Variants in SIN3B observed in about 807,000 individuals in gnomAD.
SIN3B encodes paired amphipathic helix protein Sin3b.
A neutral mutation model predicts 120.2 loss-of-function variants in SIN3B; 19 were observed. The observed-to-expected ratio is 0.16, with a 90% confidence interval of 0.11 to 0.23. The LOEUF (loss-of-function observed/expected upper bound fraction) is 0.23, where lower values mean the gene tolerates loss of function less well. Ranked by LOEUF, SIN3B falls within the 10% of genes least tolerant of loss-of-function variation. SIN3B has a pLI of 1.00. For missense variants in SIN3B, 1,073 were observed against 1,573.0 expected (o/e 0.68, Z 5.38); for synonymous variants, 654 against 653.2 (o/e 1.00, Z -0.02).
chr19:16,865,154 CATG>C, intron 10 of SIN3B: 1 of 397,044 alleles, frequency 2.5e-6, no homozygotes, highest in Non-Finnish European at 4.5e-6. Flanking sequence ...ATTAGCCAGG[CATG>C]GTGGTGCACA....
chr19:16,877,517 C>T, intron 16 of SIN3B, 28 bp from the exon 17 acceptor site: 1 of 1,542,580 alleles, frequency 6.5e-7, no homozygotes, highest in Non-Finnish European at 8.9e-7. Context: ...GTAGGGGCAT[C>T]ACGGGCTGTG....
At chr19:16,845,836 C>G (rs543633862) in intron 4 of SIN3B, among the ~76,000 whole-genome samples, 1 of 152,334 alleles carries the variant, frequency 6.6e-6, no homozygotes, top group South Asian at 2.1e-4. Context: ...ATCCTCTTGC[C>G]TCAGCCTTCC....
At chr19:16,848,446 G>A (rs942016628) in intron 5 of SIN3B, among the ~76,000 whole-genome samples, 4 of 53,694 alleles carry the variant, frequency 7.4e-5, no homozygotes, top group Non-Finnish European at 1.6e-4. Context: ...TTTTTTTTTT[G>A]CCTTTTGTTT....
At chr19:16,865,212 T>A in intron 10 of SIN3B, 198 bp from the exon 11 acceptor site, 3 of 563,764 alleles carry the variant, frequency 5.3e-6, no homozygotes, top group South Asian at 2.4e-5. Flanking sequence ...GAGGATTGTT[T>A]GAGCCCAGGA....
At chr19:16,872,371 CCCCTGCCCCTGTGTCCCCA>C (rs2051522635) in intron 14 of SIN3B, 2 of 151,942 alleles carry the variant, frequency 1.3e-5, no homozygotes, top group African/African-American at 4.8e-5. Context: ...ATCAACAGAA[CCCCTGCCCCTGTGTCCCCA>C]CCCAGCCACC....
rs1165925378 is a variant in SIN3B at position 16,869,741 on chromosome 19, T to G, written c.2088T>G (p.Ser696Arg). ...CCCAGGGGCAGACCACAGACCCCAG[T>G]GAGCGGAAGAAGCCGGCGCCAGGAC... is the stretch of plus-strand genomic sequence containing the variant. ...DSPQGQTTDP[S>R]ERKKPAPGPH... Residue 696 changes from serine (S) to arginine (R), a missense_variant, in exon 13 of 19, where the codon AGT becomes AGG. Physicochemically the swap from Ser to Arg is moderately radical, Grantham distance 110 (BLOSUM62 -1). Transcript: ENST00000248054. 1 of 1,613,174 alleles carries G rather than the reference T, an allele frequency of 6.2e-7. No homozygotes were observed. The highest frequency in any genetic ancestry group is 1.3e-5 in the African/African-American group (1 of 74,914).
At position 16,878,599 on chromosome 19, in the gene SIN3B, G is replaced by T. The variant is rs1456304662; in HGVS notation, c.3265G>T (p.Asp1089Tyr). ...GGTGGAGGCGGCTAGCCTGGTGCAG[G>T]ACTGGCTGATGGGTGAGGAGGACGA... ...VTVEAASLVQ[D>Y]WLMGEEDEDM... Residue 1089 changes from aspartate (D) to tyrosine (Y), a missense_variant, in exon 19 of 19, where the codon GAC becomes TAC. Around this residue, in one of 7 missense-constraint regions of SIN3B, gnomAD observed 311 missense variants for 400.3 expected, o/e 0.78. Coordinates refer to ENST00000248054, the MANE Select transcript of SIN3B (RefSeq NM_001297595.2). The T allele has an allele frequency of 2.5e-6, 4 of 1,612,494 alleles. No individual in the cohort carries two copies. The highest frequency in any genetic ancestry group is 3.4e-6 in the Non-Finnish European group (4 of 1,179,410).
intron 14 of SIN3B, among the ~76,000 whole-genome samples, chr19:16,871,942 C>G (rs1322055379): frequency 6.6e-6 from 1 of 152,146 alleles, no homozygotes; most frequent in Non-Finnish European, 1.5e-5. Flanking sequence ...ATGGAAAAAA[C>G]CTTAACCCAC....
At position 16,851,428 on chromosome 19, in the gene SIN3B, C is replaced by T. The variant is rs137867126; in HGVS notation, c.743C>T (p.Pro248Leu). 2.4e-5 allele frequency: 38 copies of T among 1,603,650 alleles called. No homozygotes were observed. The highest frequency in any genetic ancestry group is 4.5e-5 in the East Asian group (2 of 44,010). The change falls in exon 6 of 19, where the codon CCG (proline) becomes CTG (leucine). Residue 248 changes from proline to leucine, a missense_variant. Pro to Leu is a moderately conservative substitution (Grantham distance 98, BLOSUM62 -3). This residue lies in a region of SIN3B where 395 missense variants were observed against 528.0 expected (regional missense o/e 0.75). Transcript: ENST00000248054. ...TGTCCTTAGTTCACAGGAAACGGGC[C>T]GTGCGAGATGCACAGCGTGCAGAAG... ...AKRSLFTGNG[P>L]CEMHSVQKNE...
chr19:16,837,817 C>T (rs1452554730), intron 3 of SIN3B, among the ~76,000 whole-genome samples: 7 of 151,966 alleles, frequency 4.6e-5, no homozygotes, highest in African/African-American at 1.7e-4. Flanking sequence ...TCTCAGGATG[C>T]CTGATTCTCT....
Position 16,869,526 on chromosome 19 carries a change from G to A in SIN3B, c.1873G>A (p.Glu625Lys), listed in dbSNP as rs771163677. Residue 625 changes from glutamate to lysine, a missense_variant, in exon 13 of 19, where the codon GAG becomes AAG. Physicochemically the swap from Glu to Lys is moderately conservative, Grantham distance 56 (BLOSUM62 1). Transcript: ENST00000248054. ...SSEPHLIFVY[E>K]DRQILEDAAA... Reference sequence around the variant, plus strand: ...CGAGCCGCACCTCATCTTTGTGTACGAGGACCGGCAGATCCTGGAGGACGC... The same window carrying A: ...CGAGCCGCACCTCATCTTTGTGTACAAGGACCGGCAGATCCTGGAGGACGC... 6 of 1,613,908 alleles carry A rather than the reference G, an allele frequency of 3.7e-6. No individual in the cohort carries two copies. Among genetic ancestry groups the A allele is most frequent in the Non-Finnish European group, 3.4e-6 (4 of 1,180,020 alleles).
In SIN3B at chr19:16,869,532, C is replaced by T. The variant is rs779766057; in HGVS notation, c.1879C>T (p.Arg627Trp). ...GCACCTCATCTTTGTGTACGAGGAC[C>T]GGCAGATCCTGGAGGACGCAGCAGC... ...EPHLIFVYED[R>W]QILEDAAALI... The change falls in exon 13 of 19, where the codon CGG (arginine) becomes TGG (tryptophan). Residue 627 changes from arginine to tryptophan, a missense_variant. Around this residue, in one of 7 missense-constraint regions of SIN3B, gnomAD observed 169 missense variants for 207.3 expected, o/e 0.82. Transcript: ENST00000248054. 1.6e-5 allele frequency: 26 copies of T among 1,613,778 alleles called. No individual in the cohort carries two copies. Among genetic ancestry groups the T allele is most frequent in the Admixed American group, 3.3e-5 (2 of 60,002 alleles).
At chr19:16,877,812 A>T (rs1295375093) in intron 17 of SIN3B, among the ~76,000 whole-genome samples, 173 bp downstream of exon 17, 1 of 151,928 alleles carries the variant, frequency 6.6e-6, no homozygotes, top group East Asian at 1.9e-4. Flanking sequence ...CAGTGGAGGG[A>T]TTAGTAACCC....
rs1279517999 is a variant in SIN3B at position 16,876,012 on chromosome 19, G to A, written c.2593-43G>A. On this transcript the variant is annotated intron_variant, in intron 14 of 18. Coordinates refer to ENST00000248054, the MANE Select transcript of SIN3B (RefSeq NM_001297595.2). This position sits in a 1 kb window ranked among gnomAD's most constrained non-coding sequence, Gnocchi z 7.1. ...CTCTGTGGGTGAGGTGGGGACTCCC[G>A]CAGGAGGCGGGGTGGCCGCACCACC... 112 of 1,520,402 alleles carry A rather than the reference G, an allele frequency of 7.4e-5. No homozygotes were observed. The highest frequency in any genetic ancestry group is 1.8e-4 in the Middle Eastern group (1 of 5,420). The allele number at this position is 1,520,402 out of a possible 1,614,324, so 94.2% of individuals were successfully genotyped here. A position where few individuals can be genotyped will look rare whatever the true frequency, so the allele number is the denominator to read the frequency against.
chr19:16,867,560 C>T (rs1271322550), intron 12 of SIN3B, among the ~76,000 whole-genome samples: 1 of 152,160 alleles, frequency 6.6e-6, no homozygotes, highest in Non-Finnish European at 1.5e-5. Flanking sequence ...TAGGAGGGCA[C>T]ACTACTCCCC....
rs376821516 is a variant in SIN3B at position 16,851,429 on chromosome 19, G to A, written c.744G>A (p.Pro248=). 26 of 1,604,484 alleles carry A rather than the reference G, an allele frequency of 1.6e-5. No individual in the cohort carries two copies. Among genetic ancestry groups the A allele is most frequent in the African/African-American group, 1.6e-4 (12 of 74,512 alleles). Residue 248 remains proline (P), a synonymous_variant, in exon 6 of 19, where the codon CCG becomes CCA. Transcript: ENST00000248054. Reference sequence around the variant, plus strand: ...GTCCTTAGTTCACAGGAAACGGGCCGTGCGAGATGCACAGCGTGCAGAAGA... The same window carrying A: ...GTCCTTAGTTCACAGGAAACGGGCCATGCGAGATGCACAGCGTGCAGAAGA... The part of the protein sequence containing the change: ...AKRSLFTGNG[P]CEMHSVQKNE...
intron 8 of SIN3B, among the ~76,000 whole-genome samples, chr19:16,861,837 C>T (rs985388449): frequency 1.3e-4 from 19 of 151,726 alleles, no homozygotes; most frequent in African/African-American, 9.7e-5. Flanking sequence ...GAGGAGGCTG[C>T]GGTGGGAGGA....
rs1020011099 is a variant in SIN3B at position 16,829,486 on chromosome 19, C to T, written c.66C>T (p.Ser22=). Residue 22 remains serine, a synonymous_variant, in exon 1 of 19, where the codon AGC becomes AGT. Coordinates refer to ENST00000248054, the MANE Select transcript of SIN3B (RefSeq NM_001297595.2). ...GAGGPAGRGL[S]GARWGRSGSA... ...GCGGCCCCGCGGGCCGGGGGCTGAGCGGCGCCCGCTGGGGTCGCTCGGGCT... is the reference window on the plus strand; with the variant it reads ...GCGGCCCCGCGGGCCGGGGGCTGAGTGGCGCCCGCTGGGGTCGCTCGGGCT... The T allele has an allele frequency of 1.6e-5, 19 of 1,220,620 alleles. No homozygotes were observed. In the African/African-American group the frequency reaches 2.2e-4, roughly 14 times the overall value. 75.6% of individuals were successfully genotyped at this position (1,220,620 alleles called of 1,614,324 possible).
chr19:16,842,021 G>A (rs1339197382), intron 4 of SIN3B, 53 bp downstream of exon 4: 7 of 1,380,320 alleles, frequency 5.1e-6, no homozygotes, highest in African/African-American at 1.4e-5. Context: ...TCCAGTTTGG[G>A]GCCCTGCAGA....
Sources: gnomAD v4.1 joint callset for allele counts (sites outside exome capture counted in the v4.1 genomes callset) on GRCh38, gnomAD v4.1.1 for gene constraint, gnomAD v4.1.1 regional missense constraint, Gnocchi (gnomAD v3.1) non-coding constraint, MANE v1.5 for transcripts, NCBI Gene and HGNC (gene_info 2026-07-23, HGNC 2026-07-21) for gene names.